Variants in ZNF331 observed in about 807,000 individuals in gnomAD.
ZNF331 encodes C2H2-like zinc finger protein rearranged in thyroid adenomas.
ZNF331 carries 2 observed loss-of-function variants against 7.0 expected under a neutral mutation model. That is an observed-to-expected ratio of 0.29 (90% CI 0.12 to 0.90). The LOEUF is 0.90. ZNF331 is among the 40% of genes least tolerant of loss of function. The pLI, the probability that ZNF331 is intolerant of heterozygous loss-of-function variation, is 0.58. For missense variants in ZNF331, 432 were observed against 587.7 expected (o/e 0.74, Z 2.74); for synonymous variants, 196 against 205.4 (o/e 0.95, Z 0.39).
chr19:53,514,577 C>T (rs7253362), upstream of ZNF331, among the ~76,000 whole-genome samples: 593 of 152,156 alleles, frequency 3.9e-3, 3 homozygotes, highest in African/African-American at 0.014. Flanking sequence ...TCAATGACGT[C>T]CAATGTCTGC....
In ZNF331 at chr19:53,558,657, A is replaced by T. The variant is rs2089584920; in HGVS notation, c.-74+2749A>T. Among the ~76,000 whole-genome samples, 1 of 151,950 alleles carries T rather than the reference A, an allele frequency of 6.6e-6. No individual in the cohort carries two copies. The highest frequency in any genetic ancestry group is 1.5e-5 in the Non-Finnish European group (1 of 67,968). On this transcript the variant is annotated intron_variant, in intron 3 of 5. Coordinates refer to ENST00000449416, the MANE Select transcript of ZNF331 (RefSeq NM_001079906.2). This position sits in a 1 kb window ranked among gnomAD's most constrained non-coding sequence, Gnocchi z 4.5. ...CTGGAGTGAGAGTCCTGCTTTGGGC[A>T]GGTGAAAGGAGGGCAAGAGAAGATG...
rs1302185154 is a variant in ZNF331 at position 53,560,205 on chromosome 19, CAT to C, written c.-74+4305_-74+4306del. 1.3e-4 allele frequency among the ~76,000 whole-genome samples: 20 copies of C among 149,050 alleles called. No individual in the cohort carries two copies. The highest frequency in any genetic ancestry group is 4.9e-4 in the African/African-American group (20 of 40,908). ...CATACACACACATATATACACACAC[CAT>C]ATATATACACACATATATACACATC... On this transcript the variant is annotated intron_variant, in intron 3 of 5. Coordinates refer to ENST00000449416, the MANE Select transcript of ZNF331 (RefSeq NM_001079906.2). The surrounding 1 kb of genome is among the most constrained non-coding windows in gnomAD (Gnocchi z 4.3).
Position 53,578,118 on chromosome 19 carries a change from G to A in ZNF331, c.*166G>A, listed in dbSNP as rs2090804473. On this transcript the variant is annotated 3_prime_UTR_variant, in exon 6 of 6. Coordinates refer to ENST00000449416, the MANE Select transcript of ZNF331 (RefSeq NM_001079906.2). ...TCTGAGTAGCGTGATGAAATCTCTC[G>A]CTGTCCGGCTCCAGCCGGCCGGGGA... 4.2e-6 allele frequency: 4 copies of A among 947,416 alleles called. No homozygotes were observed. The highest frequency in any genetic ancestry group is 1.7e-5 in the African/African-American group (1 of 60,312). 58.7% of individuals were successfully genotyped at this position (947,416 alleles called of 1,614,324 possible). A position where few individuals can be genotyped will look rare whatever the true frequency, so the allele number is the denominator to read the frequency against.
At position 53,540,816 on chromosome 19, in the gene ZNF331, A is replaced by G. The variant is rs368140561; in HGVS notation, c.-138+1534A>G. On this transcript the variant is annotated intron_variant, in intron 2 of 5. Coordinates refer to ENST00000449416, the MANE Select transcript of ZNF331 (RefSeq NM_001079906.2). ...GCCTTGGTTTGTGACCCCTTCTTCC[A>G]TCATCAAAGCTGCAAAGACAGGCCA... 5.9e-5 allele frequency among the ~76,000 whole-genome samples: 9 copies of G among 151,880 alleles called. No individual in the cohort carries two copies. The South Asian group carries it at 1.7e-3, about 28-fold the overall frequency.
intron 2 of ZNF331, among the ~76,000 whole-genome samples, chr19:53,551,503 T>A (rs1422927363): frequency 6.6e-6 from 1 of 152,182 alleles, no homozygotes; most frequent in Non-Finnish European, 1.5e-5. Flanking sequence ...TGTCTTGTTT[T>A]GGAAAACCTC....
intron 3 of ZNF331, among the ~76,000 whole-genome samples, chr19:53,562,879 T>C (rs1003540356): frequency 6.6e-6 from 1 of 151,504 alleles, no homozygotes; most frequent in Non-Finnish European, 1.5e-5. Context: ...TCCCAGCTAC[T>C]CAGGAGACTG....
intron 3 of ZNF331, among the ~76,000 whole-genome samples, chr19:53,559,434 A>G (rs1277353064): frequency 6.6e-6 from 1 of 150,548 alleles, no homozygotes; most frequent in Non-Finnish European, 1.5e-5. Flanking sequence ...CACACACACC[A>G]TATATACATA....
the ZNF331 span, among the ~76,000 whole-genome samples, chr19:53,506,434 C>CTG: frequency 3.2e-3 from 237 of 73,130 alleles, 2 homozygotes; most frequent in African/African-American, 0.012. Flanking sequence ...CTCTCTCTCT[C>CTG]TCTCTCTCTG....
rs754578016 is a variant in ZNF331 at position 53,578,400 on chromosome 19, A to T, written c.*448A>T. The T allele has an allele frequency of 3.0e-4, 70 of 235,204 alleles. No individual in the cohort carries two copies. The highest frequency in any genetic ancestry group is 6.7e-5 in the Non-Finnish European group (8 of 118,940). 14.6% of individuals were successfully genotyped at this position (235,204 alleles called of 1,614,324 possible). ...AGTTCTCAACTTAAAAAAGAAAAGA[A>T]AAAAATCATATACTGAGGTTGCTAA... On this transcript the variant is annotated 3_prime_UTR_variant, in exon 6 of 6. Coordinates refer to ENST00000449416, the MANE Select transcript of ZNF331 (RefSeq NM_001079906.2).
rs1454918644 is a variant in ZNF331 at position 53,538,197 on chromosome 19, GAC to G, written c.-301_-300del. Reference sequence around the variant, plus strand: ...GCGGCGGCCCTGTCCCCGTAACTGTGACACGGGTGCACGCGAGCGTCATTGGG... The same window carrying G: ...GCGGCGGCCCTGTCCCCGTAACTGTGACGGGTGCACGCGAGCGTCATTGGG... On this transcript the variant is annotated 5_prime_UTR_variant, in exon 1 of 6. Transcript: ENST00000449416. The G allele has an allele frequency of 2.0e-5, 3 of 152,290 alleles. No homozygotes were observed. The highest frequency in any genetic ancestry group is 7.2e-5 in the African/African-American group (3 of 41,472). The allele number at this position is 152,290 out of a possible 1,614,324, so 9.4% of individuals were successfully genotyped here. A position where few individuals can be genotyped will look rare whatever the true frequency, so the allele number is the denominator to read the frequency against.
At chr19:53,523,581 A>G (rs1017688545) in intron 2 of ZNF331, 1 of 151,706 alleles carries the variant, frequency 6.6e-6, no homozygotes, top group Non-Finnish European at 1.5e-5. Flanking sequence ...TTTCTTATAT[A>G]TCGTGAATAT....
intron 2 of ZNF331, among the ~76,000 whole-genome samples, chr19:53,553,288 A>C (rs967275302): frequency 2.0e-5 from 3 of 149,808 alleles, no homozygotes; most frequent in African/African-American, 4.9e-5. Context: ...GTGAAACTCC[A>C]TCTCAAAAAA....
At chr19:53,561,139 A>G (rs1461193094) in intron 3 of ZNF331, among the ~76,000 whole-genome samples, 1 of 152,086 alleles carries the variant, frequency 6.6e-6, no homozygotes, top group Non-Finnish European at 1.5e-5. Flanking sequence ...GTGGCGACAG[A>G]GTGAGACCCT....
intron 5 of ZNF331, among the ~76,000 whole-genome samples, chr19:53,572,342 G>A (rs1479436508): frequency 2.0e-5 from 3 of 151,728 alleles, no homozygotes; most frequent in Non-Finnish European, 4.4e-5. Context: ...TGATATTAAT[G>A]GCTAAGCTGT....
chr19:53,569,534 G>A lies in ZNF331; in HGVS notation c.9+149G>A, dbSNP rs772620086. 13 of 857,270 alleles carry A rather than the reference G, an allele frequency of 1.5e-5. No homozygotes were observed. The African/African-American group carries it at 1.5e-4, about 10-fold the overall frequency. The allele number at this position is 857,270 out of a possible 1,614,324, so 53.1% of individuals were successfully genotyped here. A position where few individuals can be genotyped will look rare whatever the true frequency, so the allele number is the denominator to read the frequency against. On this transcript the variant is annotated intron_variant, in intron 4 of 5. Coordinates refer to ENST00000449416, the MANE Select transcript of ZNF331 (RefSeq NM_001079906.2). Reference sequence around the variant, plus strand: ...CTATTCCAGTGAATGATAATGCCACGTAGCTCCGTGTCTGCCTTTTTGGGA... The same window carrying A: ...CTATTCCAGTGAATGATAATGCCACATAGCTCCGTGTCTGCCTTTTTGGGA...
At chr19:53,568,260 AG>A (rs2090261626) in intron 3 of ZNF331, among the ~76,000 whole-genome samples, 1 of 151,586 alleles carries the variant, frequency 6.6e-6, no homozygotes, top group South Asian at 2.1e-4. Flanking sequence ...AAAAAAAAAA[AG>A]TACGTAAGTT....
rs765946542 is a variant in ZNF331 at position 53,576,925 on chromosome 19, A to G, written c.365A>G (p.His122Arg). 1 of 1,614,238 alleles carries G rather than the reference A, an allele frequency of 6.2e-7. No individual in the cohort carries two copies. Among genetic ancestry groups the G allele is most frequent in the African/African-American group, 1.3e-5 (1 of 75,056 alleles). The change falls in exon 6 of 6, where the codon CAT becomes CGT. Residue 122 changes from histidine (H) to arginine (R), a missense_variant. Coordinates refer to ENST00000449416, the MANE Select transcript of ZNF331 (RefSeq NM_001079906.2). ...AGAGAAGGCACCCCTCCTAGAACAC[A>G]TCAGAGACATCATAAGGAGAATTCC... ...ATREGTPPRT[H>R]QRHHKENSFE...
exon 1 of ZNF331, chr19:53,521,230 A>G (rs1414384616): frequency 6.6e-6 from 1 of 152,074 alleles, no homozygotes. Flanking sequence ...TTCCGCGGGG[A>G]ATGGCGGTGA....
chr19:53,574,544 T>G (rs2090611453), intron 5 of ZNF331, among the ~76,000 whole-genome samples: 1 of 63,950 alleles, frequency 1.6e-5, no homozygotes, highest in Non-Finnish European at 3.0e-5. Flanking sequence ...ACGCCTTTAG[T>G]AGCGGGTAGA....
Sources: allele counts gnomAD v4.1 joint callset (sites outside exome capture counted in the v4.1 genomes callset), GRCh38; gene constraint gnomAD v4.1.1; non-coding constraint Gnocchi (gnomAD v3.1); transcripts MANE v1.5; gene names NCBI Gene and HGNC (gene_info 2026-07-23, HGNC 2026-07-21).